Variants in NRG2 observed in about 807,000 individuals in gnomAD.
The protein encoded by NRG2 is neuregulin 2, also known as pro-neuregulin-2, membrane-bound isoform.
Under a neutral mutation model 73.9 loss-of-function variants are expected in NRG2, and 27 were observed. The ratio of observed to expected loss-of-function variants is 0.37; its 90% CI spans 0.27 to 0.50. The LOEUF (loss-of-function observed/expected upper bound fraction) is 0.50, where lower values mean the gene tolerates loss of function less well. Ranked by LOEUF, NRG2 falls within the 20% of genes least tolerant of loss-of-function variation. NRG2 has a pLI of 0.96. For missense variants in NRG2, 1,126 were observed against 1,210.1 expected, an observed-to-expected ratio of 0.93 and a Z score of 1.03; for synonymous variants, 532 against 541.0, an observed-to-expected ratio of 0.98 and a Z score of 0.23.
chr5:139,917,487 A>G (rs1385495531), intron 1 of NRG2, among the ~76,000 whole-genome samples: 20 of 152,132 alleles, frequency 1.3e-4, no homozygotes, highest in Admixed American at 1.3e-3. Flanking sequence ...CCTGGGCTCT[A>G]GTAATCTGCC....
rs188437011 is a variant in NRG2, at chr5:140,029,711, C to T, written c.700+12659G>A. 2.3e-4 allele frequency among the ~76,000 whole-genome samples: 28 copies of T among 119,348 alleles called. No individual in the cohort carries two copies. The Admixed American group carries it at 2.4e-3, about 10-fold the overall frequency. 78.3% of individuals were successfully genotyped at this position (119,348 alleles called of 152,430 possible). On this transcript the variant is annotated intron_variant, in intron 1 of 9. Transcript: ENST00000361474. ...TCAAAAAAAAAAAAAAAAGCTCCAG[C>T]GTGCAGCTGTAACCATTCTGCTATG... is the stretch of plus-strand genomic sequence containing the variant.
chr5:139,969,487 G>A (rs1265512708), intron 1 of NRG2, among the ~76,000 whole-genome samples: 1 of 152,210 alleles, frequency 6.6e-6, no homozygotes, highest in Non-Finnish European at 1.5e-5. Flanking sequence ...TGAGTTATCA[G>A]GCAACAGGTG....
At chr5:140,023,517 A>G (rs1326068940) in intron 1 of NRG2, among the ~76,000 whole-genome samples, 2 of 152,154 alleles carry the variant, frequency 1.3e-5, no homozygotes, top group Non-Finnish European at 2.9e-5. Flanking sequence ...ATTTTGCTTT[A>G]TGTCACTTGC....
intron 5 of NRG2, among the ~76,000 whole-genome samples, chr5:139,857,837 AT>A (rs890252711): frequency 6.6e-6 from 1 of 151,908 alleles, no homozygotes; most frequent in Non-Finnish European, 1.5e-5. Flanking sequence ...ACCTACCCTA[AT>A]GCCGGATCCA....
At chr5:139,903,353 T>C (rs1476446082) in intron 1 of NRG2, among the ~76,000 whole-genome samples, 1 of 152,184 alleles carries the variant, frequency 6.6e-6, no homozygotes, top group Non-Finnish European at 1.5e-5. Flanking sequence ...GCTCCCAGGA[T>C]TGTTATGAGG....
intron 1 of NRG2, among the ~76,000 whole-genome samples, chr5:139,905,647 G>C (rs1765177276): frequency 6.6e-6 from 1 of 151,742 alleles, no homozygotes; most frequent in African/African-American, 2.4e-5. Context: ...GGCTGATCTT[G>C]GGGCGCAAGT....
chr5:139,848,238 G>GCGCCAGCGCCGGGGCCC lies in NRG2; in HGVS notation c.2215_2231dup (p.Arg745GlyfsTer27). On this transcript the variant is annotated frameshift_variant, in exon 10 of 10. Transcript: ENST00000361474. LOFTEE classifies it high-confidence loss of function. ...CCGCCAGCCCGTTGAGGCGCGAGCG[G>GCGCCAGCGCCGGGGCCC]CGCCAGCGCCGGGGCCCCGCCGACG... is the stretch of plus-strand genomic sequence containing the variant. 1 of 1,150,230 alleles carries GCGCCAGCGCCGGGGCCC rather than the reference G, an allele frequency of 8.7e-7. No homozygotes were observed. The highest frequency in any genetic ancestry group is 1.1e-6 in the Non-Finnish European group (1 of 937,358). The allele number at this position is 1,150,230 out of a possible 1,614,324, so 71.3% of individuals were successfully genotyped here.
intron 1 of NRG2, among the ~76,000 whole-genome samples, chr5:140,014,939 A>T (rs1759653608): frequency 6.6e-6 from 1 of 152,196 alleles, no homozygotes; most frequent in Admixed American, 6.5e-5. Flanking sequence ...CTGTAGCCAT[A>T]TGGGCCTTTT....
Position 139,856,120 on chromosome 5 carries a change from G to A in NRG2, c.1190-342C>T, listed in dbSNP as rs1369179796. The stretch of plus-strand genomic sequence containing the variant: ...AAGCTCCCGAGGCTGTAGAGCAGGG[G>A]AGGACAGCTCAGTCTGGCCGGTGAC... On this transcript the variant is annotated intron_variant, in intron 5 of 9. Transcript: ENST00000361474. The surrounding 1 kb of genome is among the most constrained non-coding windows in gnomAD (Gnocchi z 4.2). 3 of 316,626 alleles carry A rather than the reference G, an allele frequency of 9.5e-6. No individual in the cohort carries two copies. Among genetic ancestry groups the A allele is most frequent in the Non-Finnish European group, 1.8e-5 (3 of 164,222 alleles). The allele number at this position is 316,626 out of a possible 1,614,324, so 19.6% of individuals were successfully genotyped here.
chr5:139,873,851 A>G (rs1763010063), intron 3 of NRG2, among the ~76,000 whole-genome samples: 1 of 152,230 alleles, frequency 6.6e-6, no homozygotes, highest in African/African-American at 2.4e-5. Flanking sequence ...GTCTGTGCTC[A>G]TCGAGGCTTT....
At chr5:140,032,043 T>G (rs1411972713) in intron 1 of NRG2, among the ~76,000 whole-genome samples, 2 of 152,192 alleles carry the variant, frequency 1.3e-5, no homozygotes, top group Non-Finnish European at 2.9e-5. Context: ...GGACCAGCAC[T>G]GGCCTCCAGA....
chr5:139,928,807 C>T (rs933507911), intron 1 of NRG2, among the ~76,000 whole-genome samples: 2 of 152,190 alleles, frequency 1.3e-5, no homozygotes, highest in Non-Finnish European at 2.9e-5. Flanking sequence ...AGCTTTTCCT[C>T]AGTCACTTGA....
intron 1 of NRG2, among the ~76,000 whole-genome samples, chr5:139,959,688 T>C (rs1036887812): frequency 6.6e-6 from 1 of 151,812 alleles, no homozygotes; most frequent in Non-Finnish European, 1.5e-5. Flanking sequence ...TTTTTTTGGA[T>C]TTTTAGTAGA....
intron 1 of NRG2, among the ~76,000 whole-genome samples, chr5:140,029,478 C>T (rs1204305856): frequency 6.6e-6 from 1 of 152,058 alleles, no homozygotes; most frequent in Non-Finnish European, 1.5e-5. Context: ...CTGTGAGCCC[C>T]ATAATATAGT....
At position 139,852,112 on chromosome 5, in the gene NRG2, T is replaced by C. The variant is rs74551720; in HGVS notation, c.1545-281A>G. 0.084 allele frequency among the ~76,000 whole-genome samples: 12,720 copies of C among 152,266 alleles called. 558 individuals are homozygous for C. The highest frequency in any genetic ancestry group is 0.13 in the Middle Eastern group (39 of 294). ...CCAGCCTTACCTTAGACCCCCTGTCTGGGACCTTTCCACCACCGTGGTCCT... is the reference window on the plus strand; with the variant it reads ...CCAGCCTTACCTTAGACCCCCTGTCCGGGACCTTTCCACCACCGTGGTCCT... On this transcript the variant is annotated intron_variant, in intron 8 of 9. Coordinates refer to ENST00000361474, the MANE Select transcript of NRG2 (RefSeq NM_004883.3). The surrounding 1 kb of genome is among the most constrained non-coding windows in gnomAD (Gnocchi z 4.4).
chr5:139,922,979 G>A (rs1216970274), intron 1 of NRG2, among the ~76,000 whole-genome samples: 6 of 152,094 alleles, frequency 3.9e-5, no homozygotes, highest in Non-Finnish European at 7.4e-5. Context: ...GAAGCACAGC[G>A]GATTTTTAGG....
intron 9 of NRG2, among the ~76,000 whole-genome samples, chr5:139,849,639 C>G (rs1761275012): frequency 6.6e-6 from 1 of 152,242 alleles, no homozygotes; most frequent in African/African-American, 2.4e-5. Context: ...CCCTTCCAAA[C>G]TGCACAGCTG....
chr5:139,968,172 G>A (rs189298338), intron 1 of NRG2, among the ~76,000 whole-genome samples: 20 of 152,086 alleles, frequency 1.3e-4, no homozygotes, highest in African/African-American at 4.1e-4. Context: ...CGATAGTCCC[G>A]TCCCAATGAA....
chr5:139,910,319 T>C (rs567551503), intron 1 of NRG2, among the ~76,000 whole-genome samples: 1 of 152,332 alleles, frequency 6.6e-6, no homozygotes, highest in South Asian at 2.1e-4. Context: ...CTGTGAACCC[T>C]GGCTGTTCCC....
Sources: allele counts gnomAD v4.1 joint callset (sites outside exome capture counted in the v4.1 genomes callset), GRCh38; gene constraint gnomAD v4.1.1; non-coding constraint Gnocchi (gnomAD v3.1); transcripts MANE v1.5; gene names NCBI Gene and HGNC (gene_info 2026-07-23, HGNC 2026-07-21).